BYSL: variants seen among roughly 807,000 people sequenced by gnomAD.
BYSL encodes the protein bystin.
BYSL carries 21 observed loss-of-function variants against 45.4 expected under a neutral mutation model. The ratio of observed to expected loss-of-function variants is 0.46; its 90% confidence interval spans 0.33 to 0.67. The LOEUF (loss-of-function observed/expected upper bound fraction) is 0.67, where lower values mean the gene tolerates loss of function less well. BYSL is among the 30% of genes least tolerant of loss of function. The pLI, the probability that BYSL is intolerant of heterozygous loss-of-function variation, is 0.02. For synonymous variants in BYSL, 215 were observed against 231.3 expected (o/e 0.93, Z 0.64); for missense variants, 522 against 578.5 (o/e 0.90, Z 1.00).
chr6:41,914,837 G>A, the BYSL span, among the ~76,000 whole-genome samples: 1 of 152,112 alleles, frequency 6.6e-6, no homozygotes, highest in Non-Finnish European at 1.5e-5. Flanking sequence ...GGAGGTCAAG[G>A]CCAATGGTTA....
intron 1 of BYSL, among the ~76,000 whole-genome samples, chr6:41,923,720 C>CTCA (rs1274284013): frequency 2.0e-5 from 3 of 152,190 alleles, no homozygotes; most frequent in Non-Finnish European, 2.9e-5. Flanking sequence ...CAGGTGTGAG[C>CTCA]TACTGCACCC....
At chr6:41,917,744 G>A (rs191616813), upstream of BYSL, 2,218 of 470,988 alleles carry the variant, frequency 4.7e-3, 11 homozygotes, top group Non-Finnish European at 7.7e-3. Flanking sequence ...AACTCTTTCA[G>A]TTCTGACTAC....
chr6:41,921,174 A>G (rs1004041982), upstream of BYSL: 19 of 948,258 alleles, frequency 2.0e-5, no homozygotes, highest in Non-Finnish European at 2.9e-5. Context: ...GCCTTCCCCA[A>G]GGAATGGGGC....
chr6:41,912,053 CTT>C, the BYSL span, among the ~76,000 whole-genome samples: 10 of 143,826 alleles, frequency 7.0e-5, no homozygotes, highest in Non-Finnish European at 6.1e-5. Context: ...TCCTTTTCTT[CTT>C]TTTTTTTTTT....
rs1342310566 is a variant in BYSL at position 41,932,345 on chromosome 6, C to T, written c.969-16C>T. Reference sequence around the variant, plus strand: ...GTTTTCCCTGCTTACTCTACCCCACCTCCCTTTCCCACTAGTGCGGCCATG... The same window carrying T: ...GTTTTCCCTGCTTACTCTACCCCACTTCCCTTTCCCACTAGTGCGGCCATG... On this transcript the variant is annotated splice_polypyrimidine_tract_variant and intron_variant, in intron 6 of 6. Transcript: ENST00000230340. This position sits in a 1 kb window ranked among gnomAD's most constrained non-coding sequence, Gnocchi z 4.7. 3.1e-6 allele frequency: 5 copies of T among 1,600,562 alleles called. No homozygotes were observed. The highest frequency in any genetic ancestry group is 3.4e-6 in the Non-Finnish European group (4 of 1,175,446).
At chr6:41,930,110 C>T (rs749443531) in intron 2 of BYSL, 22 bp from the exon 3 acceptor site, 10 of 1,613,774 alleles carry the variant, frequency 6.2e-6, no homozygotes, top group African/African-American at 5.3e-5. Context: ...CTCTCCCCTC[C>T]TCTTGGCACT....
intron 1 of BYSL, 22 bp from the exon 2 acceptor site, chr6:41,927,352 C>A: frequency 6.2e-7 from 1 of 1,612,636 alleles, no homozygotes; most frequent in Non-Finnish European, 8.5e-7. Context: ...TGTGCTCATC[C>A]ATTTAGTCTC....
Position 41,930,187 on chromosome 6 carries a change from G to A in BYSL, c.487G>A (p.Glu163Lys), listed in dbSNP as rs756261056. The change falls in exon 3 of 7, where the codon GAG (glutamate) becomes AAG (lysine). Residue 163 changes from glutamate (E) to lysine (K), a missense_variant. Transcript: ENST00000230340. ...EKLTEKQTEVETVMSEVSGFP... is the reference protein window; with the variant it reads ...EKLTEKQTEVKTVMSEVSGFP... The stretch of plus-strand genomic sequence containing the variant: ...GCTGACTGAGAAGCAGACAGAGGTT[G>A]AGACAGTCATGTCAGAGGTGTCGGG... 2.5e-6 allele frequency: 4 copies of A among 1,614,074 alleles called. No homozygotes were observed. The highest frequency in any genetic ancestry group is 3.4e-6 in the Non-Finnish European group (4 of 1,180,040).
chr6:41,919,424 G>C (rs1292899267), upstream of BYSL, among the ~76,000 whole-genome samples: 1 of 152,180 alleles, frequency 6.6e-6, no homozygotes, highest in East Asian at 1.9e-4. Context: ...TCAACTAAAT[G>C]AATCTATTAA....
Position 41,933,018 on chromosome 6 carries a change from G to A in BYSL, c.*312G>A, listed in dbSNP as rs1775663408. 6 of 358,326 alleles carry A rather than the reference G, an allele frequency of 1.7e-5. No individual in the cohort carries two copies. The South Asian group carries it at 2.3e-4, about 14-fold the overall frequency. 22.2% of individuals were successfully genotyped at this position (358,326 alleles called of 1,614,324 possible). On this transcript the variant is annotated 3_prime_UTR_variant, in exon 7 of 7. Coordinates refer to ENST00000230340, the MANE Select transcript of BYSL (RefSeq NM_004053.4). ...ATGGCTATTGTGTCAGGTCACTGTGGATAAAGGCAAAGACAGATATTTATT... is the reference window on the plus strand; with the variant it reads ...ATGGCTATTGTGTCAGGTCACTGTGAATAAAGGCAAAGACAGATATTTATT...
At chr6:41,913,587 T>C in the BYSL span, among the ~76,000 whole-genome samples, 4 of 152,216 alleles carry the variant, frequency 2.6e-5, no homozygotes, top group African/African-American at 9.6e-5. Flanking sequence ...AACTCTTAGC[T>C]ACTAAATATT....
intron 1 of BYSL, among the ~76,000 whole-genome samples, chr6:41,922,586 C>G (rs1775500954): frequency 6.6e-6 from 1 of 152,204 alleles, no homozygotes; most frequent in South Asian, 2.1e-4. Context: ...CCTCACTTCT[C>G]AGTATCCTTG....
At chr6:41,928,390 A>G (rs1775592575) in intron 2 of BYSL, among the ~76,000 whole-genome samples, 1 of 152,226 alleles carries the variant, frequency 6.6e-6, no homozygotes, top group Admixed American at 6.5e-5. Context: ...TTGAAAATGC[A>G]GAATGAAGAA....
Position 41,932,892 on chromosome 6 carries a change from A to G in BYSL, c.*186A>G. The G allele has an allele frequency of 1.5e-6, 1 of 652,642 alleles. No homozygotes were observed. 40.4% of individuals were successfully genotyped at this position (652,642 alleles called of 1,614,324 possible). A position where few individuals can be genotyped will look rare whatever the true frequency, so the allele number is the denominator to read the frequency against. ...GAGGGTCTGGCTGGTTCCCTCTTCCATTCTAGGCCCTTATCCCTGTTTAGT... is the reference window on the plus strand; with the variant it reads ...GAGGGTCTGGCTGGTTCCCTCTTCCGTTCTAGGCCCTTATCCCTGTTTAGT... On this transcript the variant is annotated 3_prime_UTR_variant, in exon 7 of 7. Transcript: ENST00000230340. This position sits in a 1 kb window ranked among gnomAD's most constrained non-coding sequence, Gnocchi z 4.7.
chr6:41,930,246 A>G lies in BYSL; in HGVS notation c.546A>G (p.Leu182=), dbSNP rs1278431377. The G allele has an allele frequency of 2.5e-6, 4 of 1,614,056 alleles. No homozygotes were observed. The highest frequency in any genetic ancestry group is 3.4e-6 in the Non-Finnish European group (4 of 1,180,034). The change falls in exon 3 of 7, where the codon CTA becomes CTG. Residue 182 remains leucine (L), a synonymous_variant. Coordinates refer to ENST00000230340, the MANE Select transcript of BYSL (RefSeq NM_004053.4). ...FPMPQLDPRV[L]EVYRGVREVL... is the part of the protein sequence containing the mutation. ...TGCCCCAGCTGGACCCCCGGGTCCT[A>G]GAAGTGTACAGGGGGGTCCGGGAGG... is the stretch of plus-strand genomic sequence containing the variant.
chr6:41,909,459 AG>A, the BYSL span: 1 of 1,614,258 alleles, frequency 6.2e-7, no homozygotes, highest in African/African-American at 1.3e-5. Flanking sequence ...ATTCTCAAAG[AG>A]GGCGAAACAG....
chr6:41,930,389 A>G, intron 3 of BYSL, 119 bp downstream of exon 3: 2 of 1,376,902 alleles, frequency 1.5e-6, no homozygotes, highest in Non-Finnish European at 1.9e-6. Flanking sequence ...AGTAGAAAAC[A>G]GACCTAAGAG....
intron 2 of BYSL, among the ~76,000 whole-genome samples, chr6:41,929,233 G>A (rs2127386068): frequency 6.6e-6 from 1 of 152,258 alleles, no homozygotes; most frequent in East Asian, 1.9e-4. Context: ...TTCAGTCTGG[G>A]CATGGTGGCC....
chr6:41,931,712 C>CT lies in BYSL; in HGVS notation c.866-13dup, dbSNP rs1775642278. On this transcript the variant is annotated splice_polypyrimidine_tract_variant and intron_variant, in intron 5 of 6. Coordinates refer to ENST00000230340, the MANE Select transcript of BYSL (RefSeq NM_004053.4). ...TCATCCTGGGCTCACAGTGGCTGCC[C>CT]TTTGACTCTCCCTAGGGATCCTGAT... 6.2e-7 allele frequency: 1 copy of CT among 1,612,884 alleles called. No homozygotes were observed. Among genetic ancestry groups the CT allele is most frequent in the Admixed American group, 1.7e-5 (1 of 59,996 alleles).
Sources: allele counts gnomAD v4.1 joint callset (sites outside exome capture counted in the v4.1 genomes callset), GRCh38; gene constraint gnomAD v4.1.1; non-coding constraint Gnocchi (gnomAD v3.1); transcripts MANE v1.5; gene names NCBI Gene and HGNC (gene_info 2026-07-23, HGNC 2026-07-21).